Variants in KCNK10 observed in about 807,000 individuals in gnomAD.
KCNK10 encodes the protein potassium channel subfamily K member 10.
Under a neutral mutation model 47.7 loss-of-function variants are expected in KCNK10, and 25 were observed. That is an observed-to-expected ratio of 0.52 (90% CI 0.38 to 0.73). The LOEUF (loss-of-function observed/expected upper bound fraction) is 0.73. Ranked by LOEUF, KCNK10 falls within the 30% of genes least tolerant of loss-of-function variation. The pLI, the probability that KCNK10 is intolerant of heterozygous loss-of-function variation, is 0.00. For missense variants in KCNK10, 563 were observed against 714.5 expected (o/e 0.79, Z 2.42); for synonymous variants, 303 against 285.6 (o/e 1.06, Z -0.61).
intron 2 of KCNK10, among the ~76,000 whole-genome samples, chr14:88,245,417 T>G (rs577668446): frequency 6.6e-6 from 1 of 152,222 alleles, no homozygotes; most frequent in South Asian, 2.1e-4. Flanking sequence ...CTGTAGCTGA[T>G]GCGCTTAGAA....
intron 1 of KCNK10, among the ~76,000 whole-genome samples, chr14:88,280,128 G>T (rs73329811): frequency 0.017 from 2,653 of 152,134 alleles, 80 homozygotes; most frequent in African/African-American, 0.061. Flanking sequence ...AAATCTACTG[G>T]TCTTCCTCTC....
chr14:88,264,783 T>A (rs563808438), intron 1 of KCNK10, among the ~76,000 whole-genome samples: 39 of 152,256 alleles, frequency 2.6e-4, no homozygotes, highest in Non-Finnish European at 5.3e-4. Context: ...CCTGGAATCT[T>A]GATTGAAAGA....
intron 1 of KCNK10, among the ~76,000 whole-genome samples, chr14:88,305,285 G>A (rs1055293513): frequency 3.9e-5 from 6 of 152,030 alleles, no homozygotes; most frequent in Admixed American, 6.5e-5. Context: ...TAAAAGCAAC[G>A]GTTCACTATT....
chr14:88,316,549 G>T (rs1021535431), intron 1 of KCNK10, among the ~76,000 whole-genome samples: 4 of 152,144 alleles, frequency 2.6e-5, no homozygotes, highest in African/African-American at 9.7e-5. Context: ...AACCAACAGG[G>T]TGACCACACT....
At chr14:88,231,270 C>G (rs1167972107) in intron 3 of KCNK10, among the ~76,000 whole-genome samples, 2 of 150,466 alleles carry the variant, frequency 1.3e-5, no homozygotes, top group Non-Finnish European at 2.9e-5. Flanking sequence ...CAAAGCAATA[C>G]CCCTTCTCTG....
intron 2 of KCNK10, among the ~76,000 whole-genome samples, chr14:88,252,566 A>C (rs925218567): frequency 6.6e-6 from 1 of 152,168 alleles, no homozygotes; most frequent in Non-Finnish European, 1.5e-5. Context: ...AGTTCATAAT[A>C]TCTAGTCCTC....
intron 1 of KCNK10, among the ~76,000 whole-genome samples, chr14:88,281,727 CATATATAT>C (rs10541410): frequency 2.2e-4 from 31 of 141,716 alleles, no homozygotes; most frequent in African/African-American, 7.0e-4. Context: ...TCTCTCTCTC[CATATATAT>C]ATATATATAT....
At chr14:88,272,320 G>A (rs912739172) in intron 1 of KCNK10, among the ~76,000 whole-genome samples, 5 of 152,222 alleles carry the variant, frequency 3.3e-5, no homozygotes, top group African/African-American at 1.2e-4. Context: ...TGCAGATGCT[G>A]TGTTTGACAG....
At chr14:88,284,688 C>T (rs541821342) in intron 1 of KCNK10, among the ~76,000 whole-genome samples, 26 of 152,222 alleles carry the variant, frequency 1.7e-4, no homozygotes, top group Admixed American at 1.0e-3. Flanking sequence ...TTTTTTTAGC[C>T]GTGCTGGCAG....
At chr14:88,203,252 T>C (rs1356902290) in intron 4 of KCNK10, among the ~76,000 whole-genome samples, 1 of 152,242 alleles carries the variant, frequency 6.6e-6, no homozygotes, top group Non-Finnish European at 1.5e-5. Flanking sequence ...ATGGTGTGAT[T>C]TGGTCATTGT....
chr14:88,242,483 G>C (rs1015024532), intron 2 of KCNK10, among the ~76,000 whole-genome samples: 10 of 152,254 alleles, frequency 6.6e-5, no homozygotes, highest in African/African-American at 2.4e-4. Flanking sequence ...GGATGATACA[G>C]GGGAAAAAAG....
intron 4 of KCNK10, among the ~76,000 whole-genome samples, chr14:88,195,545 C>G (rs1450911472): frequency 6.6e-6 from 1 of 152,138 alleles, no homozygotes; most frequent in Admixed American, 6.5e-5. Context: ...TGCTGGTTGT[C>G]CTTTCCTGGA....
intron 1 of KCNK10, among the ~76,000 whole-genome samples, chr14:88,315,467 C>G (rs1888411796): frequency 6.6e-6 from 1 of 152,164 alleles, no homozygotes; most frequent in Admixed American, 6.5e-5. Context: ...GATGTCAAAC[C>G]TTTTATCACA....
At chr14:88,205,594 G>C (rs939364336) in intron 4 of KCNK10, among the ~76,000 whole-genome samples, 4 of 145,068 alleles carry the variant, frequency 2.8e-5, no homozygotes, top group African/African-American at 7.9e-5. Context: ...ACCCAGGCTG[G>C]AGTGCAATGG....
intron 2 of KCNK10, among the ~76,000 whole-genome samples, chr14:88,255,225 T>C (rs1886914849): frequency 6.6e-6 from 1 of 152,210 alleles, no homozygotes; most frequent in African/African-American, 2.4e-5. Context: ...AGTGAGGGGA[T>C]ACTCACCATT....
chr14:88,227,282 C>T lies in KCNK10; in HGVS notation c.681+93G>A. 5.9e-6 allele frequency: 6 copies of T among 1,012,004 alleles called. No individual in the cohort carries two copies. The East Asian group carries it at 1.3e-4, about 22-fold the overall frequency. The allele number at this position is 1,012,004 out of a possible 1,614,324, so 62.7% of individuals were successfully genotyped here. A position where few individuals can be genotyped will look rare whatever the true frequency, so the allele number is the denominator to read the frequency against. On this transcript the variant is annotated intron_variant, in intron 4 of 6. Transcript: ENST00000319231. ...AACATTAAAATTATTCCATTAAAAG[C>T]AGACAATGCCCCTGATACTGCCTCC...
Position 88,300,752 on chromosome 14 carries a change from C to T in KCNK10, c.52+21995G>A, listed in dbSNP as rs149431165. On this transcript the variant is annotated intron_variant, in intron 1 of 6. Transcript: ENST00000319231. ...GTTCAATCTGGATTCATTCCTAATG[C>T]TTCTTTTAAAGAACTCACCTATGCC... Among the ~76,000 whole-genome samples the T allele has an allele frequency of 2.6e-4, 39 of 152,292 alleles. No individual in the cohort carries two copies. In the East Asian group the frequency reaches 6.4e-3, roughly 25 times the overall value.
At chr14:88,309,025 G>C (rs1408456125) in intron 1 of KCNK10, among the ~76,000 whole-genome samples, 1 of 152,214 alleles carries the variant, frequency 6.6e-6, no homozygotes, top group Non-Finnish European at 1.5e-5. Context: ...GAGATGCTAA[G>C]CCTTGGCTAA....
chr14:88,207,168 C>CTTT lies in KCNK10; in HGVS notation c.682-14761_682-14759dup, dbSNP rs55711197. Among the ~76,000 whole-genome samples the CTTT allele has an allele frequency of 3.2e-3, 348 of 107,700 alleles. 5 individuals are homozygous for CTTT. Among genetic ancestry groups the CTTT allele is most frequent in the East Asian group, 0.012 (36 of 3,084 alleles). The allele number at this position is 107,700 out of a possible 152,430, so 70.7% of individuals were successfully genotyped here. A position where few individuals can be genotyped will look rare whatever the true frequency, so the allele number is the denominator to read the frequency against. ...CTAGTTTCGATTTCAAGGTCACTCT[C>CTTT]TTTTTTTTTTTTTTTTTTTTTTGAG... On this transcript the variant is annotated intron_variant, in intron 4 of 6. Coordinates refer to ENST00000319231, the MANE Select transcript of KCNK10 (RefSeq NM_138317.3).
Sources: allele counts gnomAD v4.1 joint callset (sites outside exome capture counted in the v4.1 genomes callset), GRCh38; gene constraint gnomAD v4.1.1; transcripts MANE v1.5; gene names NCBI Gene and HGNC (gene_info 2026-07-23, HGNC 2026-07-21).